GSPT1: variants seen among roughly 807,000 people sequenced by gnomAD.
GSPT1 encodes eukaryotic peptide chain release factor GTP-binding subunit ERF3A.
GSPT1 carries 20 observed loss-of-function variants against 72.5 expected under a neutral mutation model. That is an observed-to-expected ratio of 0.28 (90% confidence interval 0.19 to 0.40). The LOEUF is 0.40. Ranked by LOEUF, GSPT1 falls within the 10% of genes least tolerant of loss-of-function variation. The pLI, the probability that GSPT1 is intolerant of heterozygous loss-of-function variation, is 1.00. For synonymous variants in GSPT1, 334 were observed against 293.5 expected (o/e 1.14, Z -1.41); for missense variants, 580 against 811.9 (o/e 0.71, Z 3.47).
chr16:11,874,427 T>C (rs1311927958), intron 14 of GSPT1, among the ~76,000 whole-genome samples: 2 of 150,712 alleles, frequency 1.3e-5, no homozygotes, highest in East Asian at 3.9e-4. Flanking sequence ...CCATTGGGTC[T>C]TGTGGAAAAC....
Position 11,886,435 on chromosome 16 carries a change from T to G in GSPT1, c.1253+36A>C, listed in dbSNP as rs377428831. The G allele has an allele frequency of 1.4e-5, 20 of 1,481,168 alleles. No individual in the cohort carries two copies. The African/African-American group carries it at 2.5e-4, about 19-fold the overall frequency. The allele number at this position is 1,481,168 out of a possible 1,614,324, so 91.8% of individuals were successfully genotyped here. A position where few individuals can be genotyped will look rare whatever the true frequency, so the allele number is the denominator to read the frequency against. Reference sequence around the variant, plus strand: ...TAAGTAATTTAAGTAATAACATCCTTTTCCTTTTTAAAAAAAGGAAAAAAC... The same window carrying G: ...TAAGTAATTTAAGTAATAACATCCTGTTCCTTTTTAAAAAAAGGAAAAAAC... On this transcript the variant is annotated intron_variant, in intron 9 of 14. Transcript: ENST00000434724.
intron 12 of GSPT1, among the ~76,000 whole-genome samples, chr16:11,876,432 C>A (rs913454906): frequency 6.6e-6 from 1 of 152,098 alleles, no homozygotes; most frequent in African/African-American, 2.4e-5. Context: ...GGTCAACTTT[C>A]AAAATACGGC....
At chr16:11,885,522 A>G (rs891252359) in intron 9 of GSPT1, among the ~76,000 whole-genome samples, 1 of 152,214 alleles carries the variant, frequency 6.6e-6, no homozygotes, top group Non-Finnish European at 1.5e-5. Context: ...CCTACATGTA[A>G]TAAATTGACT....
At chr16:11,912,347 C>CAAAAAAAAAA (rs57472965) in intron 1 of GSPT1, among the ~76,000 whole-genome samples, 2 of 110,764 alleles carry the variant, frequency 1.8e-5, no homozygotes, top group Non-Finnish European at 1.9e-5. Context: ...GACTCCGTCT[C>CAAAAAAAAAA]AAAAAAAAAA....
At position 11,915,641 on chromosome 16, in the gene GSPT1, G is replaced by T; in HGVS notation, c.80C>A (p.Ala27Glu). The change falls in exon 1 of 15, where the codon GCG becomes GAG. Residue 27 changes from alanine to glutamate, a missense_variant. By Grantham distance (107) the Ala-to-Glu change is moderately radical (BLOSUM62 -1). Coordinates refer to ENST00000434724, the MANE Select transcript of GSPT1 (RefSeq NM_002094.4). Reference sequence around the variant, plus strand: ...GTCCGCCTGGTCCCAGCAGTCAGGCGCCGAGTCGCTGCTGCTGCTGCCGCT... The same window carrying T: ...GTCCGCCTGGTCCCAGCAGTCAGGCTCCGAGTCGCTGCTGCTGCTGCCGCT... ...SSSGSSSSDSAPDCWDQADME... is the reference protein window; with the variant it reads ...SSSGSSSSDSEPDCWDQADME... 6.7e-7 allele frequency: 1 copy of T among 1,487,014 alleles called. No homozygotes were observed. The highest frequency in any genetic ancestry group is 8.9e-7 in the Non-Finnish European group (1 of 1,122,598). 92.1% of individuals were successfully genotyped at this position (1,487,014 alleles called of 1,614,324 possible).
intron 5 of GSPT1, among the ~76,000 whole-genome samples, chr16:11,892,548 G>T (rs1467880100): frequency 1.7e-5 from 2 of 119,294 alleles, no homozygotes; most frequent in South Asian, 5.5e-4. Context: ...ATAAAAAATG[G>T]CCGGGCACGG....
chr16:11,899,087 G>C (rs981941609), intron 1 of GSPT1, among the ~76,000 whole-genome samples: 1 of 152,142 alleles, frequency 6.6e-6, no homozygotes, highest in African/African-American at 2.4e-5. Flanking sequence ...ACTCCAATAT[G>C]AACGTGCCCC....
chr16:11,892,518 AAAAAC>A (rs1567443235), intron 5 of GSPT1, among the ~76,000 whole-genome samples: 10 of 137,956 alleles, frequency 7.2e-5, no homozygotes, highest in Admixed American at 5.9e-4. Context: ...AAAAAACAAA[AAAAAC>A]AAAAAAAACA....
intron 1 of GSPT1, among the ~76,000 whole-genome samples, chr16:11,901,039 C>T (rs1403839510): frequency 2.6e-5 from 4 of 152,086 alleles, no homozygotes; most frequent in Non-Finnish European, 4.4e-5. Context: ...TCGGGAATGG[C>T]GGCATGCGCC....
chr16:11,892,665 A>G (rs2054282010), intron 5 of GSPT1, among the ~76,000 whole-genome samples: 2 of 151,012 alleles, frequency 1.3e-5, no homozygotes. Context: ...CATCTCTACT[A>G]AAAATACAAA....
chr16:11,891,017 G>T, intron 6 of GSPT1, 45 bp downstream of exon 6: 1 of 839,806 alleles, frequency 1.2e-6, no homozygotes, highest in Non-Finnish European at 1.9e-6. Flanking sequence ...AGTGGGCATC[G>T]TCTCCTTAAA....
At chr16:11,892,506 C>CA (rs777010436) in intron 5 of GSPT1, among the ~76,000 whole-genome samples, 3,642 of 60,124 alleles carry the variant, frequency 0.061, 347 homozygotes, top group African/African-American at 0.15. Context: ...GACCCTTTCT[C>CA]AAAAAAACAA....
chr16:11,895,296 T>C, intron 4 of GSPT1: 1 of 209,254 alleles, frequency 4.8e-6, no homozygotes, highest in Non-Finnish European at 9.9e-6. Flanking sequence ...CTAGGCGTGG[T>C]GGCGGCCGCC....
Position 11,868,525 on chromosome 16 carries a change from A to G in GSPT1, c.*4594T>C, listed in dbSNP as rs1173712507. The G allele has an allele frequency of 6.6e-6, 1 of 152,150 alleles. No homozygotes were observed. The highest frequency in any genetic ancestry group is 1.5e-5 in the Non-Finnish European group (1 of 68,048). 9.4% of individuals were successfully genotyped at this position (152,150 alleles called of 1,614,324 possible). On this transcript the variant is annotated 3_prime_UTR_variant, in exon 15 of 15. Coordinates refer to ENST00000434724, the MANE Select transcript of GSPT1 (RefSeq NM_002094.4). ...TGATGTGTGAGTCCTTAAAATGTAG[A>G]CCTTGCAGGAGGCTTAGACCTCAGT... is the stretch of plus-strand genomic sequence containing the variant.
chr16:11,898,555 G>T (rs929038530), intron 1 of GSPT1, among the ~76,000 whole-genome samples: 1 of 150,224 alleles, frequency 6.7e-6, no homozygotes, highest in East Asian at 2.0e-4. Context: ...CGGTTCAAGC[G>T]ATTCTCCTGC....
At chr16:11,885,414 C>A in intron 9 of GSPT1, 140 bp from the exon 10 acceptor site, 2 of 598,038 alleles carry the variant, frequency 3.3e-6, no homozygotes, top group Non-Finnish European at 6.1e-6. Flanking sequence ...TTATCCATTT[C>A]ATCTCACTTA....
At position 11,892,829 on chromosome 16, in the gene GSPT1, CAAAAAAAAAAAAA is replaced by C. The variant is rs57546698; in HGVS notation, c.699-1703_699-1691del. Among the ~76,000 whole-genome samples, 11 of 31,222 alleles carry C rather than the reference CAAAAAAAAAAAAA, an allele frequency of 3.5e-4. No homozygotes were observed. In the South Asian group the frequency reaches 8.2e-3, roughly 23 times the overall value. 20.5% of individuals were successfully genotyped at this position (31,222 alleles called of 152,430 possible). A position where few individuals can be genotyped will look rare whatever the true frequency, so the allele number is the denominator to read the frequency against. On this transcript the variant is annotated intron_variant, in intron 5 of 14. Coordinates refer to ENST00000434724, the MANE Select transcript of GSPT1 (RefSeq NM_002094.4). ...AGCCTGGGCGATAGAGATTCTGTCT[CAAAAAAAAAAAAA>C]AAAAAAAAAAAAAGAAAAGAAAAGG...
At position 11,915,876 on chromosome 16, in the gene GSPT1, C is replaced by T. The variant is rs1299842459; in HGVS notation, c.-156G>A. ...ATCCCCGGCGTCGCCGCGGCAGCAG[C>T]TCCAGTCCCGACTCCACACTCGCGA... On this transcript the variant is annotated 5_prime_UTR_variant, in exon 1 of 15. Transcript: ENST00000434724. 12 of 1,139,208 alleles carry T rather than the reference C, an allele frequency of 1.1e-5. No individual in the cohort carries two copies. In the East Asian group the frequency reaches 2.4e-4, roughly 23 times the overall value. 70.6% of individuals were successfully genotyped at this position (1,139,208 alleles called of 1,614,324 possible).
intron 1 of GSPT1, among the ~76,000 whole-genome samples, chr16:11,899,836 C>G (rs929763674): frequency 6.6e-6 from 1 of 152,112 alleles, no homozygotes. Context: ...CTAGGTTTAA[C>G]TCCTGGCTTA....
Sources: gnomAD v4.1 joint callset for allele counts (sites outside exome capture counted in the v4.1 genomes callset) on GRCh38, gnomAD v4.1.1 for gene constraint, MANE v1.5 for transcripts, NCBI Gene and HGNC (gene_info 2026-07-23, HGNC 2026-07-21) for gene names.